HTR2C: variants seen among roughly 807,000 people sequenced by gnomAD.
HTR2C encodes 5-hydroxytryptamine receptor 2C, also known as 5-hydroxytryptamine (serotonin) receptor 2C, G protein-coupled.
HTR2C carries 5 observed loss-of-function variants against 21.0 expected under a neutral mutation model. The ratio of observed to expected loss-of-function variants is 0.24; its 90% confidence interval spans 0.12 to 0.50. HTR2C has a LOEUF of 0.50. HTR2C is among the 20% of genes least tolerant of loss of function. HTR2C has a pLI of 0.98. For missense variants in HTR2C, 271 were observed against 371.2 expected (o/e 0.73, Z 2.22); for synonymous variants, 150 against 145.3 (o/e 1.03, Z -0.23).
chrX:114,865,093 T>G (rs1232425753), intron 5 of HTR2C, among the ~76,000 whole-genome samples: 5 of 110,532 alleles, frequency 4.5e-5, no homozygotes, highest in Non-Finnish European at 9.5e-5. Context: ...AATACTTCAC[T>G]GTCCCTAGGC....
intron 1 of HTR2C, chrX:114,590,002 A>G: frequency 6.2e-6 from 1 of 161,840 alleles, no homozygotes; most frequent in Admixed American, 7.8e-5. Flanking sequence ...TATTTATCAT[A>G]TATCAGGAAG....
chrX:114,694,774 G>A (rs1364119056), intron 2 of HTR2C, among the ~76,000 whole-genome samples: 1 of 110,974 alleles, frequency 9.0e-6, no homozygotes, highest in Non-Finnish European at 1.9e-5. Flanking sequence ...GATTACAGGC[G>A]TGAGCCACCA....
At chrX:114,759,469 A>G (rs782334574) in intron 4 of HTR2C, among the ~76,000 whole-genome samples, 24 of 111,919 alleles carry the variant, frequency 2.1e-4, no homozygotes, top group Non-Finnish European at 3.8e-4. Flanking sequence ...AAACACGAGT[A>G]TATATAAATA....
Position 114,887,510 on chromosome X carries a change from C to T in HTR2C, c.551-19079C>T, listed in dbSNP as rs781978349. 4.5e-5 allele frequency among the ~76,000 whole-genome samples: 5 copies of T among 110,698 alleles called. No homozygotes were observed. The South Asian group carries it at 1.5e-3, about 34-fold the overall frequency. On this transcript the variant is annotated intron_variant, in intron 5 of 5. Coordinates refer to ENST00000276198, the MANE Select transcript of HTR2C (RefSeq NM_000868.4). Reference sequence around the variant, plus strand: ...TTGTATTTTTATATTGGTATTATTGCCTGGGGTCACTTGCCTTCAGCTCAA... The same window carrying T: ...TTGTATTTTTATATTGGTATTATTGTCTGGGGTCACTTGCCTTCAGCTCAA...
chrX:114,897,363 T>C (rs1350942721), intron 5 of HTR2C, among the ~76,000 whole-genome samples: 1 of 112,002 alleles, frequency 8.9e-6, no homozygotes, highest in Non-Finnish European at 1.9e-5. Flanking sequence ...CTGGTATCAT[T>C]TTCAACAGCC....
chrX:114,776,434 G>A, intron 4 of HTR2C: 2 of 710,288 alleles, frequency 2.8e-6, no homozygotes, highest in South Asian at 4.3e-5. Context: ...CCTCTGGATA[G>A]AAGATTTTGG....
chrX:114,795,743 T>G (rs1198717346), intron 4 of HTR2C, among the ~76,000 whole-genome samples: 2 of 111,580 alleles, frequency 1.8e-5, no homozygotes, highest in East Asian at 5.6e-4. Context: ...TTGGTACCAG[T>G]ACCATGCTGT....
chrX:114,773,481 A>G (rs1556437728), intron 4 of HTR2C, among the ~76,000 whole-genome samples: 1 of 112,255 alleles, frequency 8.9e-6, no homozygotes, highest in African/African-American at 3.2e-5. Context: ...ATCTTGGTTA[A>G]ATTAGAATAC....
chrX:114,653,840 A>G (rs1297750797), intron 2 of HTR2C, among the ~76,000 whole-genome samples: 1 of 111,008 alleles, frequency 9.0e-6, no homozygotes, highest in African/African-American at 3.3e-5. Flanking sequence ...AATCTAAGAA[A>G]ATCAGTATAG....
intron 4 of HTR2C, among the ~76,000 whole-genome samples, chrX:114,843,399 A>G (rs1357138644): frequency 8.9e-6 from 1 of 111,938 alleles, no homozygotes; most frequent in Non-Finnish European, 1.9e-5. Flanking sequence ...ATCAGAGAAC[A>G]TGAAAACAGG....
chrX:114,891,631 A>G (rs1264882625), intron 5 of HTR2C, among the ~76,000 whole-genome samples: 2 of 110,440 alleles, frequency 1.8e-5, no homozygotes, highest in Non-Finnish European at 3.8e-5. Context: ...AGGTTGGAGA[A>G]TGCATTCAAT....
intron 4 of HTR2C, among the ~76,000 whole-genome samples, chrX:114,801,268 C>T (rs1444877811): frequency 6.3e-5 from 7 of 111,379 alleles, no homozygotes; most frequent in Non-Finnish European, 1.3e-4. Flanking sequence ...CAAGGTTCAT[C>T]CATCATCAGT....
chrX:114,668,774 G>A (rs782622341), intron 2 of HTR2C, among the ~76,000 whole-genome samples: 27 of 111,046 alleles, frequency 2.4e-4, no homozygotes, highest in Non-Finnish European at 5.1e-4. Context: ...AAATGGAAGA[G>A]AGATTATATA....
chrX:114,835,874 A>G (rs1404717102), intron 4 of HTR2C, among the ~76,000 whole-genome samples: 2 of 109,261 alleles, frequency 1.8e-5, no homozygotes, highest in African/African-American at 6.7e-5. Context: ...TGATGTACAG[A>G]TGGGTTTTTG....
chrX:114,899,319 T>G (rs1556484763), intron 5 of HTR2C, among the ~76,000 whole-genome samples: 3 of 111,347 alleles, frequency 2.7e-5, no homozygotes, highest in Non-Finnish European at 1.9e-5. Flanking sequence ...CGCAGGACAA[T>G]GCTGCTTGAC....
intron 2 of HTR2C, among the ~76,000 whole-genome samples, chrX:114,652,360 T>G (rs782131695): frequency 1.4e-4 from 15 of 110,630 alleles, no homozygotes; most frequent in Middle Eastern, 4.7e-3. Flanking sequence ...AAAACTAAAC[T>G]TAGTCACCTA....
At chrX:114,865,116 G>A in intron 5 of HTR2C, among the ~76,000 whole-genome samples, 1 of 110,327 alleles carries the variant, frequency 9.1e-6, no homozygotes, top group African/African-American at 3.3e-5. Flanking sequence ...TAGCTGACTT[G>A]TGTTCTGTCA....
At chrX:114,873,046 T>C (rs958621384) in intron 5 of HTR2C, among the ~76,000 whole-genome samples, 1 of 112,085 alleles carries the variant, frequency 8.9e-6, no homozygotes, top group Non-Finnish European at 1.9e-5. Context: ...ATGTCCTTAT[T>C]CCACTATTCC....
chrX:114,679,027 A>G (rs1931662816), intron 2 of HTR2C, among the ~76,000 whole-genome samples: 1 of 111,748 alleles, frequency 8.9e-6, no homozygotes, highest in Non-Finnish European at 1.9e-5. Context: ...TGGAAACACA[A>G]ACTTACTAAG....
Sources: gnomAD v4.1 joint callset for allele counts (sites outside exome capture counted in the v4.1 genomes callset) on GRCh38, gnomAD v4.1.1 for gene constraint, MANE v1.5 for transcripts, NCBI Gene and HGNC (gene_info 2026-07-23, HGNC 2026-07-21) for gene names.